TRAPPC9: variants seen among roughly 807,000 people sequenced by gnomAD.
TRAPPC9 encodes trafficking protein particle complex subunit 9.
Under a neutral mutation model 124.0 loss-of-function variants are expected in TRAPPC9, and 83 were observed. That is an observed-to-expected ratio of 0.67 (90% confidence interval 0.56 to 0.80). The LOEUF (loss-of-function observed/expected upper bound fraction) is 0.80, where lower values mean the gene tolerates loss of function less well. TRAPPC9 is among the 30% of genes least tolerant of loss of function. TRAPPC9 has a pLI of 0.00. For synonymous variants in TRAPPC9, 638 were observed against 617.5 expected (o/e 1.03, Z -0.49); for missense variants, 1,302 against 1,508.3 (o/e 0.86, Z 2.27).
chr8:139,733,428 C>T (rs531895689), intron 21 of TRAPPC9, among the ~76,000 whole-genome samples: 11 of 151,832 alleles, frequency 7.2e-5, no homozygotes, highest in Non-Finnish European at 1.6e-4. Context: ...GCTGTGGCAG[C>T]CCTAGCAGGC....
intron 8 of TRAPPC9, among the ~76,000 whole-genome samples, chr8:140,361,840 C>T (rs1309214496): frequency 1.3e-5 from 2 of 152,164 alleles, no homozygotes; most frequent in African/African-American, 4.8e-5. Context: ...AGACTGGGCG[C>T]TCGGCTGAGG....
intron 18 of TRAPPC9, among the ~76,000 whole-genome samples, chr8:139,992,757 C>T (rs1475854242): frequency 2.0e-5 from 3 of 151,108 alleles, no homozygotes; most frequent in Admixed American, 2.0e-4. Flanking sequence ...CAAAGCAGAC[C>T]CATGAATATA....
At chr8:140,444,035 C>CAAAAAAA (rs35121401) in intron 2 of TRAPPC9, among the ~76,000 whole-genome samples, 4 of 40,924 alleles carry the variant, frequency 9.8e-5, no homozygotes, top group Non-Finnish European at 1.2e-4. Context: ...GACTCCATCT[C>CAAAAAAA]AAAAAAAAAA....
At chr8:140,068,542 C>T (rs1842986732) in intron 17 of TRAPPC9, among the ~76,000 whole-genome samples, 1 of 152,156 alleles carries the variant, frequency 6.6e-6, no homozygotes, top group African/African-American at 2.4e-5. Context: ...AAAAACATTC[C>T]CATCATTAAT....
chr8:139,785,699 A>T lies in TRAPPC9; in HGVS notation c.3056-53497T>A, dbSNP rs565113673. ...AGCTGAGATTATACCACTGCACTCC[A>T]GCCTGGGCAACAGAGCAAGACTCCA... On this transcript the variant is annotated intron_variant, in intron 21 of 22. Coordinates refer to ENST00000438773, the MANE Select transcript of TRAPPC9 (RefSeq NM_001160372.4). 5.9e-5 allele frequency among the ~76,000 whole-genome samples: 9 copies of T among 151,970 alleles called. No homozygotes were observed. In the East Asian group the frequency reaches 1.7e-3, roughly 29 times the overall value.
At chr8:140,085,379 GA>G (rs1844120791) in intron 17 of TRAPPC9, among the ~76,000 whole-genome samples, 1 of 149,334 alleles carries the variant, frequency 6.7e-6, no homozygotes, top group African/African-American at 2.5e-5. Context: ...GGTCTAGACT[GA>G]AAAACAGAAA....
At chr8:139,838,798 T>C (rs1244088831) in intron 21 of TRAPPC9, among the ~76,000 whole-genome samples, 2 of 152,184 alleles carry the variant, frequency 1.3e-5, no homozygotes, top group Non-Finnish European at 2.9e-5. Context: ...TGAGGCCTGA[T>C]GTCCAGGGCT....
chr8:139,744,573 C>A (rs543101230), intron 21 of TRAPPC9, among the ~76,000 whole-genome samples: 56 of 152,346 alleles, frequency 3.7e-4, no homozygotes, highest in Admixed American at 2.5e-3. Context: ...CCGCTGACCC[C>A]ATGGACACAG....
At chr8:140,232,763 T>C (rs567845709) in intron 16 of TRAPPC9, among the ~76,000 whole-genome samples, 1 of 152,308 alleles carries the variant, frequency 6.6e-6, no homozygotes, top group East Asian at 1.9e-4. Context: ...TGAACATCAA[T>C]TCCCCAAAGA....
chr8:139,840,492 G>A (rs994059837), intron 21 of TRAPPC9, among the ~76,000 whole-genome samples: 3 of 152,252 alleles, frequency 2.0e-5, no homozygotes, highest in African/African-American at 7.2e-5. Context: ...AACTAACTTA[G>A]CAGCGGTGGA....
rs554274604 is a variant in TRAPPC9, at chr8:140,399,915, T to G, written c.1009-2170A>C. ...CAATTCCCACATGTTGTGGGAGGGA[T>G]CCAGTGGGAGATAATTGAATTGTGG... On this transcript the variant is annotated intron_variant, in intron 6 of 22. Transcript: ENST00000438773. Among the ~76,000 whole-genome samples, 357 of 152,322 alleles carry G rather than the reference T, an allele frequency of 2.3e-3. 4 individuals carry two copies. The highest frequency in any genetic ancestry group is 8.2e-3 in the African/African-American group (340 of 41,572).
In TRAPPC9 at chr8:139,730,204, G is replaced by A. The variant is rs1817733074; in HGVS notation, c.*857C>T. The A allele has an allele frequency of 6.6e-6, 1 of 152,382 alleles. No homozygotes were observed. The highest frequency in any genetic ancestry group is 1.5e-5 in the Non-Finnish European group (1 of 68,118). 9.4% of individuals were successfully genotyped at this position (152,382 alleles called of 1,614,324 possible). A position where few individuals can be genotyped will look rare whatever the true frequency, so the allele number is the denominator to read the frequency against. Reference sequence around the variant, plus strand: ...TGACCAGATTCCTGTCTCAGCGTTTGCTTATGTGAGATCTCTAACTCAGAA... The same window carrying A: ...TGACCAGATTCCTGTCTCAGCGTTTACTTATGTGAGATCTCTAACTCAGAA... On this transcript the variant is annotated 3_prime_UTR_variant, in exon 23 of 23. Coordinates refer to ENST00000438773, the MANE Select transcript of TRAPPC9 (RefSeq NM_001160372.4).
chr8:140,179,174 A>T (rs1194174028), intron 17 of TRAPPC9, among the ~76,000 whole-genome samples: 1 of 152,136 alleles, frequency 6.6e-6, no homozygotes, highest in Non-Finnish European at 1.5e-5. Flanking sequence ...ATAGCTCATG[A>T]ATTGAAACAA....
rs143221169 is a variant in TRAPPC9, at chr8:139,988,764, G to A, written c.2772C>T (p.Ser924=). ...TEHELTVSTR[S]SEALILHAGE... Reference sequence around the variant, plus strand: ...CGGCGTGCAGGATGAGTGCCTCGCTGCTCCTGGTGCTGACGGTCAGCTCAT... The same window carrying A: ...CGGCGTGCAGGATGAGTGCCTCGCTACTCCTGGTGCTGACGGTCAGCTCAT... The change falls in exon 19 of 23, where the codon AGC becomes AGT. Residue 924 remains serine (S), a synonymous_variant. Coordinates refer to ENST00000438773, the MANE Select transcript of TRAPPC9 (RefSeq NM_001160372.4). The A allele has an allele frequency of 1.4e-4, 223 of 1,551,340 alleles. 1 individual carries two copies. The African/African-American group carries it at 1.7e-3, about 12-fold the overall frequency.
At chr8:139,802,348 G>A (rs1456142244) in intron 21 of TRAPPC9, among the ~76,000 whole-genome samples, 1 of 152,192 alleles carries the variant, frequency 6.6e-6, no homozygotes, top group Non-Finnish European at 1.5e-5. Context: ...GTGGAGGGGA[G>A]ACAAGGAGAG....
intron 18 of TRAPPC9, among the ~76,000 whole-genome samples, chr8:139,998,589 G>A (rs1838191750): frequency 1.3e-5 from 2 of 152,174 alleles, no homozygotes; most frequent in African/African-American, 4.8e-5. Context: ...GGGCGTGCTG[G>A]TGGGCACCTG....
At chr8:139,871,192 G>C (rs576110951) in intron 21 of TRAPPC9, among the ~76,000 whole-genome samples, 1 of 152,314 alleles carries the variant, frequency 6.6e-6, no homozygotes, top group African/African-American at 2.4e-5. Context: ...GAGTCCGCCA[G>C]CTGAGAGGTG....
chr8:140,125,561 G>A (rs2061076796), intron 17 of TRAPPC9, among the ~76,000 whole-genome samples: 2 of 149,400 alleles, frequency 1.3e-5, no homozygotes, highest in Non-Finnish European at 3.0e-5. Flanking sequence ...CTAGGTCTTA[G>A]GCATGTTCAT....
intron 5 of TRAPPC9, among the ~76,000 whole-genome samples, chr8:140,406,144 G>A (rs1272782641): frequency 1.3e-5 from 2 of 152,048 alleles, no homozygotes; most frequent in Non-Finnish European, 2.9e-5. Context: ...ATGATAGTAT[G>A]CTTTCTATGC....
Sources: gnomAD v4.1 joint callset for allele counts (sites outside exome capture counted in the v4.1 genomes callset) on GRCh38, gnomAD v4.1.1 for gene constraint, MANE v1.5 for transcripts, NCBI Gene and HGNC (gene_info 2026-07-23, HGNC 2026-07-21) for gene names.